Variants in THEMIS observed in about 807,000 individuals in gnomAD.
The protein encoded by THEMIS is thymocyte selection associated.
In THEMIS, 37 loss-of-function variants were observed where a neutral mutation model predicts 52.6. The observed-to-expected ratio is 0.70, with a 90% CI of 0.54 to 0.93. The LOEUF is 0.93. Among genes scored for constraint, THEMIS ranks in the 40% least tolerant of loss-of-function variants. THEMIS has a pLI of 0.00. For missense variants in THEMIS, 808 were observed against 763.1 expected, an observed-to-expected ratio of 1.06 and a Z score of -0.69; for synonymous variants, 292 against 272.7, an observed-to-expected ratio of 1.07 and a Z score of -0.70.
chr6:127,827,104 GT>G (rs760118480), intron 3 of THEMIS, among the ~76,000 whole-genome samples: 2 of 151,738 alleles, frequency 1.3e-5, no homozygotes, highest in Non-Finnish European at 2.9e-5. Flanking sequence ...TTCCCCTAAG[GT>G]TTCTAGAAAA....
chr6:127,742,769 G>T (rs557839286), intron 4 of THEMIS, among the ~76,000 whole-genome samples: 2 of 152,108 alleles, frequency 1.3e-5, no homozygotes, highest in East Asian at 3.9e-4. Flanking sequence ...GGCTGGGGGT[G>T]GGGGAGAAAT....
intron 4 of THEMIS, among the ~76,000 whole-genome samples, chr6:127,762,218 A>T (rs1204223143): frequency 6.6e-6 from 1 of 152,148 alleles, no homozygotes; most frequent in African/African-American, 2.4e-5. Context: ...AATTCATAGA[A>T]TCCCAGAAAG....
rs944264753 is a variant in THEMIS at position 127,880,396 on chromosome 6, T to G, written c.91+20446A>C. On this transcript the variant is annotated intron_variant, in intron 1 of 5. Transcript: ENST00000368248. Reference sequence around the variant, plus strand: ...ATTTAATTACTGGAATAAATATATATGCTGTGTTTAGATAGATGGGTTAGG... The same window carrying G: ...ATTTAATTACTGGAATAAATATATAGGCTGTGTTTAGATAGATGGGTTAGG... Among the ~76,000 whole-genome samples the G allele has an allele frequency of 9.2e-5, 14 of 151,904 alleles. 1 individual carries two copies. Among genetic ancestry groups the G allele is most frequent in the Admixed American group, 7.2e-4 (11 of 15,254 alleles).
chr6:127,735,500 T>G lies in THEMIS; in HGVS notation c.1759-15677A>C, dbSNP rs115857872. 6.0e-3 allele frequency among the ~76,000 whole-genome samples: 909 copies of G among 152,310 alleles called. 6 individuals carry two copies. The highest frequency in any genetic ancestry group is 0.02 in the African/African-American group (846 of 41,552). ...CACGTGATTTTTATTTAATATTGAT[T>G]GCATATTGGGGTTATATGTTTGGGA... On this transcript the variant is annotated intron_variant, in intron 4 of 5. Transcript: ENST00000368248.
chr6:127,752,294 A>C (rs1293416319), intron 4 of THEMIS, among the ~76,000 whole-genome samples: 1 of 151,452 alleles, frequency 6.6e-6, no homozygotes, highest in Non-Finnish European at 1.5e-5. Flanking sequence ...AACAGAGGGG[A>C]GGAAATGAAT....
intron 1 of THEMIS, among the ~76,000 whole-genome samples, chr6:127,907,337 A>AGTTTTTTTTT (rs1781297228): frequency 2.0e-5 from 1 of 49,448 alleles, no homozygotes. Flanking sequence ...TTAGGCTCGG[A>AGTTTTTTTTT]TTTTTTTTTT....
chr6:127,877,615 T>C (rs573464775), intron 1 of THEMIS, among the ~76,000 whole-genome samples: 1 of 152,268 alleles, frequency 6.6e-6, no homozygotes, highest in Admixed American at 6.5e-5. Flanking sequence ...ACACACAACA[T>C]TTATTAAATT....
intron 1 of THEMIS, among the ~76,000 whole-genome samples, chr6:127,877,413 A>G (rs1780347232): frequency 6.6e-6 from 1 of 152,186 alleles, no homozygotes; most frequent in African/African-American, 2.4e-5. Context: ...CGTTCCTTCC[A>G]CACTAAGCTT....
intron 1 of THEMIS, among the ~76,000 whole-genome samples, chr6:127,896,324 G>A (rs1343608570): frequency 6.7e-6 from 1 of 149,854 alleles, no homozygotes; most frequent in African/African-American, 2.4e-5. Flanking sequence ...TATACAAAAT[G>A]TTAAAGATAT....
chr6:127,900,905 G>A lies in THEMIS; in HGVS notation c.28C>T (p.His10Tyr), dbSNP rs747974194. MALSLEEFV[H>Y]SLDLRTLPRV... The stretch of plus-strand genomic sequence containing the variant: ...GGTAGGGTCCTGAGGTCAAGGGAGT[G>A]GACGAATTCTTCCAGTGATAATGCC... Residue 10 changes from histidine to tyrosine, a missense_variant, in exon 1 of 6, where the codon CAC (histidine) becomes TAC (tyrosine). His to Tyr is a moderately conservative substitution (Grantham distance 83). Transcript: ENST00000368248. 15 of 1,612,984 alleles carry A rather than the reference G, an allele frequency of 9.3e-6. No individual in the cohort carries two copies. The East Asian group carries it at 2.7e-4, about 29-fold the overall frequency.
chr6:127,769,663 GTACA>G (rs1776313572), intron 4 of THEMIS, among the ~76,000 whole-genome samples: 1 of 151,942 alleles, frequency 6.6e-6, no homozygotes, highest in South Asian at 2.1e-4. Context: ...AAATTCTAGG[GTACA>G]TGTGCACAAC....
chr6:127,833,234 G>A (rs1376214013), intron 2 of THEMIS, among the ~76,000 whole-genome samples: 2 of 152,022 alleles, frequency 1.3e-5, no homozygotes, highest in East Asian at 3.9e-4. Context: ...AGTCTTTCAA[G>A]TCTTTTCCTT....
intron 1 of THEMIS, among the ~76,000 whole-genome samples, chr6:127,911,326 G>A (rs1781405780): frequency 1.3e-5 from 2 of 150,668 alleles, no homozygotes; most frequent in Non-Finnish European, 2.9e-5. Context: ...GAATTTTAAA[G>A]GAGATATTTC....
chr6:127,702,442 ACT>A, the THEMIS span, among the ~76,000 whole-genome samples: 2 of 151,738 alleles, frequency 1.3e-5, no homozygotes, highest in Non-Finnish European at 2.9e-5. Flanking sequence ...GCCTTGCATC[ACT>A]CTCTGAATTT....
intron 4 of THEMIS, among the ~76,000 whole-genome samples, chr6:127,801,265 G>A (rs1777524307): frequency 6.6e-6 from 1 of 152,154 alleles, no homozygotes; most frequent in African/African-American, 2.4e-5. Flanking sequence ...TAAGTTCAGT[G>A]GGCAAAGTGA....
chr6:127,912,215 C>A (rs1781428652), intron 1 of THEMIS, among the ~76,000 whole-genome samples: 1 of 152,074 alleles, frequency 6.6e-6, no homozygotes, highest in Non-Finnish European at 1.5e-5. Flanking sequence ...GACCTGTAAC[C>A]CCTTTGTTTT....
At chr6:127,903,791 C>T (rs1450359245), upstream of THEMIS, among the ~76,000 whole-genome samples, 2 of 150,790 alleles carry the variant, frequency 1.3e-5, no homozygotes, top group South Asian at 2.1e-4. Context: ...GGGTAAAGGC[C>T]ACTTGTTAGT....
intron 1 of THEMIS, among the ~76,000 whole-genome samples, chr6:127,912,855 ATGT>A (rs1562336446): frequency 6.6e-6 from 1 of 152,238 alleles, no homozygotes; most frequent in Non-Finnish European, 1.5e-5. Flanking sequence ...TGTAGGCCAA[ATGT>A]TGTTTGTTTT....
At chr6:127,712,080 T>TAA (rs536691614) in intron 5 of THEMIS, among the ~76,000 whole-genome samples, 95 of 151,990 alleles carry the variant, frequency 6.3e-4, no homozygotes, top group Non-Finnish European at 1.2e-3. Context: ...CAGAGTCACA[T>TAA]AAAACTATTA....
Sources: gnomAD v4.1 joint callset for allele counts (sites outside exome capture counted in the v4.1 genomes callset) on GRCh38, gnomAD v4.1.1 for gene constraint, MANE v1.5 for transcripts, NCBI Gene and HGNC (gene_info 2026-07-23, HGNC 2026-07-21) for gene names.